The following FBXW8 variants were observed in gnomAD, a reference collection of about 807,000 sequenced individuals.
FBXW8 encodes F-box/WD repeat-containing protein 8.
FBXW8 carries 57 observed loss-of-function variants against 65.3 expected under a neutral mutation model. The observed-to-expected ratio is 0.87, with a 90% CI of 0.71 to 1.09. FBXW8 has a LOEUF of 1.09. Among genes scored for constraint, FBXW8 ranks in the 50% least tolerant of loss-of-function variants. FBXW8 has a pLI of 0.00. For missense variants in FBXW8, 777 were observed against 814.8 expected, an observed-to-expected ratio of 0.95 and a Z score of 0.57; for synonymous variants, 308 against 330.2, an observed-to-expected ratio of 0.93 and a Z score of 0.73.
At chr12:116,918,993 T>TTA (rs1880662141) in intron 1 of FBXW8, among the ~76,000 whole-genome samples, 1 of 151,794 alleles carries the variant, frequency 6.6e-6, no homozygotes. Context: ...CACAGAGCAA[T>TTA]GATAAAGTTT....
chr12:116,970,534 A>G (rs956929401), intron 5 of FBXW8, among the ~76,000 whole-genome samples: 1 of 152,206 alleles, frequency 6.6e-6, no homozygotes, highest in Non-Finnish European at 1.5e-5. Flanking sequence ...AGCGGTGAAC[A>G]GTAGGACCAT....
Position 116,949,861 on chromosome 12 carries a change from G to C in FBXW8, c.677+155G>C, listed in dbSNP as rs1043991885. On this transcript the variant is annotated intron_variant, in intron 4 of 10. Coordinates refer to ENST00000652555, the MANE Select transcript of FBXW8 (RefSeq NM_153348.3). ...GAAGAGGGAGAGTCTCCGTGATTCT[G>C]TTCCCAAGGACGTGAGAGCGCGCAG... 2.0e-4 allele frequency: 145 copies of C among 717,096 alleles called. No individual in the cohort carries two copies. The African/African-American group carries it at 2.3e-3, about 11-fold the overall frequency. The allele number at this position is 717,096 out of a possible 1,614,324, so 44.4% of individuals were successfully genotyped here. A position where few individuals can be genotyped will look rare whatever the true frequency, so the allele number is the denominator to read the frequency against.
chr12:116,965,925 AT>A (rs10630126), intron 5 of FBXW8, among the ~76,000 whole-genome samples: 1,949 of 137,290 alleles, frequency 0.014, 39 homozygotes, highest in African/African-American at 0.048. Flanking sequence ...TGCCCAGCTA[AT>A]TTTTTTTTTT....
chr12:116,972,409 T>G (rs1039888273), intron 5 of FBXW8, among the ~76,000 whole-genome samples: 2 of 152,272 alleles, frequency 1.3e-5, no homozygotes, highest in Non-Finnish European at 2.9e-5. Context: ...TATTTCATTC[T>G]GAACCCTAGG....
intron 7 of FBXW8, among the ~76,000 whole-genome samples, chr12:117,008,145 T>C (rs1953722489): frequency 1.3e-5 from 2 of 152,232 alleles, no homozygotes; most frequent in Non-Finnish European, 2.9e-5. Flanking sequence ...TAAAGACACA[T>C]GGACCTACTC....
intron 2 of FBXW8, among the ~76,000 whole-genome samples, chr12:116,938,573 A>C (rs564190957): frequency 1.3e-5 from 2 of 152,192 alleles, no homozygotes; most frequent in Non-Finnish European, 2.9e-5. Context: ...TCAGCTTCCA[A>C]CATCTTTAAG....
At chr12:117,007,967 C>T (rs373911089) in intron 7 of FBXW8, among the ~76,000 whole-genome samples, 1 of 152,064 alleles carries the variant, frequency 6.6e-6, no homozygotes, top group African/African-American at 2.4e-5. Flanking sequence ...TCAGATAGTT[C>T]GGATTCGTTT....
chr12:116,919,316 G>A (rs959840356), intron 1 of FBXW8, among the ~76,000 whole-genome samples: 1 of 152,154 alleles, frequency 6.6e-6, no homozygotes, highest in Admixed American at 6.5e-5. Context: ...CTATGGGGCT[G>A]GGCTCTGCAG....
At chr12:117,003,623 T>G (rs1464458929) in intron 7 of FBXW8, among the ~76,000 whole-genome samples, 1 of 152,272 alleles carries the variant, frequency 6.6e-6, no homozygotes, top group Non-Finnish European at 1.5e-5. Flanking sequence ...GTTTCTTTCA[T>G]AAGGACTTGG....
chr12:117,023,754 C>G (rs977626958), intron 8 of FBXW8, among the ~76,000 whole-genome samples: 3 of 152,246 alleles, frequency 2.0e-5, no homozygotes, highest in Non-Finnish European at 2.9e-5. Flanking sequence ...TCTGGGGTGT[C>G]TGGCTTTGTA....
chr12:116,962,471 C>A (rs139444227), intron 4 of FBXW8, among the ~76,000 whole-genome samples: 1 of 152,206 alleles, frequency 6.6e-6, no homozygotes, highest in Non-Finnish European at 1.5e-5. Context: ...CCCTCGCCTC[C>A]CCACTGTGTC....
rs530387241 is a variant in FBXW8 at position 116,997,307 on chromosome 12, G to A, written c.1239+8438G>A. On this transcript the variant is annotated intron_variant, in intron 7 of 10. Transcript: ENST00000652555. ...TATTGCATCTTATTACAGAAGCCAT[G>A]ATCTTTAGGATCTCTAGGGATCCTG... Among the ~76,000 whole-genome samples, 15 of 152,238 alleles carry A rather than the reference G, an allele frequency of 9.9e-5. No homozygotes were observed. In the East Asian group the frequency reaches 2.9e-3, roughly 29 times the overall value.
intron 2 of FBXW8, among the ~76,000 whole-genome samples, chr12:116,935,033 T>C (rs554581073): frequency 2.5e-4 from 38 of 152,368 alleles, no homozygotes; most frequent in African/African-American, 7.5e-4. Context: ...TTTTCAGTTT[T>C]TTAATGTATA....
rs758795761 is a variant in FBXW8 at position 116,928,175 on chromosome 12, A to AAGGTATAGGTATAGGTAT, written c.423+57_423+58insTATAGGTATAGGTATAGG. The AAGGTATAGGTATAGGTAT allele has an allele frequency of 6.1e-6, 7 of 1,143,300 alleles. No individual in the cohort carries two copies. The African/African-American group carries it at 9.2e-5, about 15-fold the overall frequency. 70.8% of individuals were successfully genotyped at this position (1,143,300 alleles called of 1,614,324 possible). On this transcript the variant is annotated intron_variant, in intron 2 of 10. Transcript: ENST00000652555. ...TCCAGATTTTCCTAAATGTGTGATT[A>AAGGTATAGGTATAGGTAT]AGGTATAGGACTCTCCGGGGTAATA...
chr12:116,973,608 C>T (rs1213737833), intron 5 of FBXW8, among the ~76,000 whole-genome samples: 1 of 152,208 alleles, frequency 6.6e-6, no homozygotes, highest in African/African-American at 2.4e-5. Flanking sequence ...AAATATCACA[C>T]AAGCCCAAAC....
At chr12:116,969,198 G>T (rs187187478) in intron 5 of FBXW8, among the ~76,000 whole-genome samples, 199 of 152,250 alleles carry the variant, frequency 1.3e-3, no homozygotes, top group African/African-American at 3.0e-3. Flanking sequence ...TGCTTCCAAG[G>T]CTGCAGTGTT....
chr12:116,937,479 G>A (rs1050799907), intron 2 of FBXW8, among the ~76,000 whole-genome samples: 1 of 152,220 alleles, frequency 6.6e-6, no homozygotes, highest in African/African-American at 2.4e-5. Context: ...AGAAAACCCA[G>A]ATGTGTCGTT....
intron 7 of FBXW8, among the ~76,000 whole-genome samples, chr12:117,001,785 G>A (rs1278863170): frequency 6.6e-6 from 1 of 152,074 alleles, no homozygotes; most frequent in Admixed American, 6.6e-5. Context: ...TCATCTCTTC[G>A]CTGGACTCAC....
chr12:117,021,350 CATT>C (rs1954089307), intron 8 of FBXW8, among the ~76,000 whole-genome samples: 1 of 152,186 alleles, frequency 6.6e-6, no homozygotes, highest in Admixed American at 6.5e-5. Flanking sequence ...TATTATAAGA[CATT>C]AGCCCTTTTT....
Sources: allele counts gnomAD v4.1 joint callset (sites outside exome capture counted in the v4.1 genomes callset), GRCh38; gene constraint gnomAD v4.1.1; transcripts MANE v1.5; gene names NCBI Gene and HGNC (gene_info 2026-07-23, HGNC 2026-07-21).